Variants in ZNF654 observed in about 807,000 individuals in gnomAD.
ZNF654 encodes the protein melanoma-associated antigen.
ZNF654 carries 19 observed loss-of-function variants against 95.3 expected under a neutral mutation model. The ratio of observed to expected loss-of-function variants is 0.20; its 90% CI spans 0.14 to 0.29. The LOEUF is 0.29. Among genes scored for constraint, ZNF654 ranks in the 10% least tolerant of loss-of-function variants. The probability of loss-of-function intolerance (pLI) is 1.00; values close to 1 mark genes in which losing one functional copy is unlikely to be tolerated. For synonymous variants in ZNF654, 413 were observed against 457.9 expected, an observed-to-expected ratio of 0.90 and a Z score of 1.25; for missense variants, 1,046 against 1,341.0, an observed-to-expected ratio of 0.78 and a Z score of 3.44.
chr3:88,126,401 T>C (rs1039476921), intron 4 of ZNF654, 132 bp downstream of exon 4: 24 of 1,043,364 alleles, frequency 2.3e-5, no homozygotes, highest in Non-Finnish European at 3.0e-5. Context: ...TATTTTCACA[T>C]GAAAAGTGTT....
intron 2 of ZNF654, among the ~76,000 whole-genome samples, chr3:88,099,299 G>A (rs1396995254): frequency 2.6e-5 from 4 of 152,116 alleles, no homozygotes; most frequent in Non-Finnish European, 4.4e-5. Flanking sequence ...TCTTCAAGGA[G>A]AACTGCAAAT....
chr3:88,103,466 A>T (rs1467203020), intron 2 of ZNF654, among the ~76,000 whole-genome samples: 2 of 152,218 alleles, frequency 1.3e-5, no homozygotes, highest in Admixed American at 1.3e-4. Flanking sequence ...AACAGAACAG[A>T]GTGTCTAAGA....
At chr3:88,100,168 A>G (rs1413021314) in intron 2 of ZNF654, among the ~76,000 whole-genome samples, 2 of 152,244 alleles carry the variant, frequency 1.3e-5, no homozygotes, top group Non-Finnish European at 2.9e-5. Flanking sequence ...GGTGCCGGAT[A>G]TGAACAGACA....
intron 6 of ZNF654, 94 bp from the exon 7 acceptor site, chr3:88,134,967 C>A: frequency 1.1e-6 from 1 of 885,474 alleles, no homozygotes; most frequent in Non-Finnish European, 1.5e-6. Flanking sequence ...CATATACATC[C>A]CAGCCAGGGC....
intron 2 of ZNF654, 81 bp downstream of exon 2, chr3:88,086,483 A>G (rs1284796843): frequency 8.2e-7 from 1 of 1,222,266 alleles, no homozygotes; most frequent in Non-Finnish European, 1.1e-6. Context: ...TCTTCTGAAG[A>G]AGAAACCTTT....
At chr3:88,088,326 G>GA (rs1289073649) in intron 2 of ZNF654, among the ~76,000 whole-genome samples, 3 of 151,926 alleles carry the variant, frequency 2.0e-5, no homozygotes, top group African/African-American at 7.3e-5. Flanking sequence ...CCTTCAATAT[G>GA]AAAAAATGCA....
Position 88,113,090 on chromosome 3 carries a change from A to C in ZNF654, c.333-25A>C, listed in dbSNP as rs538764016. Reference sequence around the variant, plus strand: ...TGGAGCAAAACTCAAAGAAGCAATGAAAGTTATTCACTTATTCTTTCTAGG... The same window carrying C: ...TGGAGCAAAACTCAAAGAAGCAATGCAAGTTATTCACTTATTCTTTCTAGG... On this transcript the variant is annotated intron_variant, in intron 2 of 8. Coordinates refer to ENST00000636215, the MANE Select transcript of ZNF654 (RefSeq NM_001350134.2). 9.6e-6 allele frequency: 14 copies of C among 1,465,726 alleles called. No homozygotes were observed. In the South Asian group the frequency reaches 1.6e-4, roughly 17 times the overall value. The allele number at this position is 1,465,726 out of a possible 1,614,324, so 90.8% of individuals were successfully genotyped here.
chr3:88,061,828 G>A (rs1390117753), intron 1 of ZNF654, among the ~76,000 whole-genome samples: 1 of 152,126 alleles, frequency 6.6e-6, no homozygotes, highest in Non-Finnish European at 1.5e-5. Flanking sequence ...TGACTTAATC[G>A]TGAGTAATGC....
chr3:88,065,288 T>C (rs150265357), intron 1 of ZNF654, among the ~76,000 whole-genome samples: 21 of 152,282 alleles, frequency 1.4e-4, no homozygotes, highest in Middle Eastern at 3.4e-3. Flanking sequence ...TTTTTTGTTA[T>C]TGTTGCTCCT....
intron 2 of ZNF654, among the ~76,000 whole-genome samples, chr3:88,094,064 C>T (rs1413384593): frequency 6.6e-6 from 1 of 151,154 alleles, no homozygotes; most frequent in African/African-American, 2.4e-5. Flanking sequence ...GGTCGTCTAG[C>T]GTTCTATTTC....
At chr3:88,124,775 T>G (rs2107814964) in intron 3 of ZNF654, among the ~76,000 whole-genome samples, 1 of 151,692 alleles carries the variant, frequency 6.6e-6, no homozygotes, top group Non-Finnish European at 1.5e-5. Context: ...ATACTCAGTT[T>G]TTTTTTTTTC....
At chr3:88,101,832 C>G (rs1704445377) in intron 2 of ZNF654, among the ~76,000 whole-genome samples, 1 of 152,090 alleles carries the variant, frequency 6.6e-6, no homozygotes, top group South Asian at 2.1e-4. Context: ...TACTTTTTAT[C>G]TTTTTCATAA....
chr3:88,100,629 C>T (rs1172233035), intron 2 of ZNF654, among the ~76,000 whole-genome samples: 1 of 152,086 alleles, frequency 6.6e-6, no homozygotes, highest in Non-Finnish European at 1.5e-5. Flanking sequence ...ACGATGCAGC[C>T]ATAAAAAGGA....
At chr3:88,123,638 C>T (rs1022827334) in intron 3 of ZNF654, among the ~76,000 whole-genome samples, 1 of 152,154 alleles carries the variant, frequency 6.6e-6, no homozygotes, top group Non-Finnish European at 1.5e-5. Context: ...TTTCAGCCAA[C>T]TTCAGGAAGT....
chr3:88,060,090 A>T (rs554355724), intron 1 of ZNF654, among the ~76,000 whole-genome samples: 1 of 152,078 alleles, frequency 6.6e-6, no homozygotes, highest in Non-Finnish European at 1.5e-5. Context: ...TTTTTCGGAC[A>T]GAGAGTGCGT....
intron 2 of ZNF654, among the ~76,000 whole-genome samples, chr3:88,112,863 G>A (rs1705179713): frequency 6.6e-6 from 1 of 152,008 alleles, no homozygotes; most frequent in Admixed American, 6.6e-5. Flanking sequence ...GTGGTCATTA[G>A]TAGGCATGAG....
chr3:88,139,763 T>A lies in ZNF654; in HGVS notation c.2094T>A (p.Asp698Glu). 11 of 1,554,456 alleles carry A rather than the reference T, an allele frequency of 7.1e-6. No individual in the cohort carries two copies. The highest frequency in any genetic ancestry group is 9.6e-6 in the Non-Finnish European group (11 of 1,148,276). Residue 698 changes from aspartate (D) to glutamate (E), a missense_variant, in exon 8 of 9, where the codon GAT (aspartate) becomes GAA (glutamate). Asp to Glu is a conservative substitution (Grantham distance 45). Coordinates refer to ENST00000636215, the MANE Select transcript of ZNF654 (RefSeq NM_001350134.2). ...NVFKPLTECG[D>E]DYEEEEDEEG... is the part of the protein sequence containing the mutation. ...TCAAGCCTTTAACTGAATGTGGGGA[T>A]GATTATGAGGAGGAAGAGGATGAAG...
intron 5 of ZNF654, among the ~76,000 whole-genome samples, chr3:88,129,311 T>C (rs1706299261): frequency 7.3e-6 from 1 of 137,494 alleles, no homozygotes; most frequent in African/African-American, 2.7e-5. Context: ...AGCTCACAGC[T>C]TGCCAGGAGT....
chr3:88,123,193 T>C (rs771671770), intron 3 of ZNF654, among the ~76,000 whole-genome samples: 1 of 152,104 alleles, frequency 6.6e-6, no homozygotes, highest in Non-Finnish European at 1.5e-5. Flanking sequence ...CAAAAAATAC[T>C]TGTAAGCTTA....
Sources: allele counts gnomAD v4.1 joint callset (sites outside exome capture counted in the v4.1 genomes callset), GRCh38; gene constraint gnomAD v4.1.1; transcripts MANE v1.5; gene names NCBI Gene and HGNC (gene_info 2026-07-23, HGNC 2026-07-21).